Variants in RALGAPA2 observed in about 807,000 individuals in gnomAD.
RALGAPA2 encodes the protein Ral GTPase activating protein catalytic subunit alpha 2.
Under a neutral mutation model 230.4 loss-of-function variants are expected in RALGAPA2, and 139 were observed. The ratio of observed to expected loss-of-function variants is 0.60; its 90% confidence interval spans 0.53 to 0.69. The LOEUF (loss-of-function observed/expected upper bound fraction) is 0.69, where lower values mean the gene tolerates loss of function less well. Ranked by LOEUF, RALGAPA2 falls within the 30% of genes least tolerant of loss-of-function variation. The probability of loss-of-function intolerance (pLI) is 0.00; values close to 1 mark genes in which losing one functional copy is unlikely to be tolerated. For synonymous variants in RALGAPA2, 847 were observed against 837.8 expected, an observed-to-expected ratio of 1.01 and a Z score of -0.19; for missense variants, 2,163 against 2,276.0, an observed-to-expected ratio of 0.95 and a Z score of 1.01.
At chr20:20,631,694 T>C (rs2066677529) in intron 9 of RALGAPA2, among the ~76,000 whole-genome samples, 1 of 152,178 alleles carries the variant, frequency 6.6e-6, no homozygotes, top group Non-Finnish European at 1.5e-5. Flanking sequence ...GATAATAAAT[T>C]TGTACTGTTT....
chr20:20,535,647 TGTGAAAGAATAA>T, intron 26 of RALGAPA2, 86 bp downstream of exon 26: 1 of 1,450,018 alleles, frequency 6.9e-7, no homozygotes, highest in Non-Finnish European at 9.1e-7. Context: ...ATAAGAGCTA[TGTGAAAGAATAA>T]GTGTTTTCTT....
chr20:20,425,710 AAAT>A (rs1180828879), intron 37 of RALGAPA2, among the ~76,000 whole-genome samples: 2 of 152,330 alleles, frequency 1.3e-5, no homozygotes, highest in East Asian at 3.9e-4. Context: ...CCTGAGTGAT[AAAT>A]ATTACTGCTG....
At chr20:20,631,098 A>G (rs1337463427) in intron 9 of RALGAPA2, among the ~76,000 whole-genome samples, 1 of 152,166 alleles carries the variant, frequency 6.6e-6, no homozygotes, top group South Asian at 2.1e-4. Flanking sequence ...CCCGGGCCCA[A>G]GAGGCTGACA....
intron 3 of RALGAPA2, among the ~76,000 whole-genome samples, chr20:20,665,237 T>C (rs765620653): frequency 6.6e-6 from 1 of 152,224 alleles, no homozygotes; most frequent in African/African-American, 2.4e-5. Context: ...TTAGCCCTAA[T>C]GCAGTTTCTA....
At chr20:20,448,894 A>T (rs73122480) in intron 37 of RALGAPA2, among the ~76,000 whole-genome samples, 288 of 152,132 alleles carry the variant, frequency 1.9e-3, no homozygotes, top group Admixed American at 3.7e-3. Flanking sequence ...AAAAAGGTAA[A>T]TCTGCCTTCA....
intron 3 of RALGAPA2, chr20:20,659,870 C>T: frequency 1.9e-6 from 1 of 533,294 alleles, no homozygotes; most frequent in Non-Finnish European, 3.5e-6. Context: ...GCAGAGCATC[C>T]CCTACAGTAC....
At chr20:20,633,073 CTT>C (rs1603137572) in intron 9 of RALGAPA2, among the ~76,000 whole-genome samples, 1 of 147,762 alleles carries the variant, frequency 6.8e-6, no homozygotes, top group Non-Finnish European at 1.5e-5. Flanking sequence ...TTCTCTTTCT[CTT>C]TCTTTCCTCC....
intron 37 of RALGAPA2, chr20:20,471,663 T>A (rs1318900087): frequency 6.6e-6 from 1 of 152,110 alleles, no homozygotes; most frequent in African/African-American, 2.4e-5. Context: ...TCCAAAACAC[T>A]CACCACCAGC....
At chr20:20,399,061 A>G (rs963966417) in intron 38 of RALGAPA2, among the ~76,000 whole-genome samples, 2 of 152,146 alleles carry the variant, frequency 1.3e-5, no homozygotes, top group African/African-American at 4.8e-5. Context: ...AAAGGTTGTG[A>G]CAGCCGGGCA....
At chr20:20,441,669 T>C (rs141277019) in intron 37 of RALGAPA2, among the ~76,000 whole-genome samples, 2,429 of 152,278 alleles carry the variant, frequency 0.016, 30 homozygotes, top group South Asian at 0.027. Context: ...TACAGAGCTG[T>C]AGAGTTGACA....
rs1261765059 is a variant in RALGAPA2 at position 20,616,026 on chromosome 20, A to G, written c.1688+17T>C. 1 of 1,434,428 alleles carries G rather than the reference A, an allele frequency of 7.0e-7. No individual in the cohort carries two copies. The highest frequency in any genetic ancestry group is 9.3e-7 in the Non-Finnish European group (1 of 1,079,490). The allele number at this position is 1,434,428 out of a possible 1,614,324, so 88.9% of individuals were successfully genotyped here. A position where few individuals can be genotyped will look rare whatever the true frequency, so the allele number is the denominator to read the frequency against. ...AACATCTGTTTTACAATACTAATTA[A>G]TTTGATATAAACTTACCATGTCTTT... is the stretch of plus-strand genomic sequence containing the variant. On this transcript the variant is annotated intron_variant, in intron 13 of 39. Transcript: ENST00000202677.
At chr20:20,554,413 C>A (rs910228645) in intron 23 of RALGAPA2, among the ~76,000 whole-genome samples, 30 of 152,086 alleles carry the variant, frequency 2.0e-4, no homozygotes, top group African/African-American at 7.2e-4. Flanking sequence ...GTCTTTTCAT[C>A]AGTTGATGGG....
At chr20:20,498,875 C>T (rs909582960) in intron 35 of RALGAPA2, among the ~76,000 whole-genome samples, 19 of 152,266 alleles carry the variant, frequency 1.2e-4, no homozygotes, top group East Asian at 7.7e-4. Flanking sequence ...AATCCAATAG[C>T]ACAGCTCTGT....
At chr20:20,506,095 T>C (rs1261836103) in intron 33 of RALGAPA2, among the ~76,000 whole-genome samples, 1 of 152,114 alleles carries the variant, frequency 6.6e-6, no homozygotes, top group Non-Finnish European at 1.5e-5. Context: ...AGGTATTTTC[T>C]TCATGAAGGG....
In RALGAPA2 at chr20:20,610,127, C is replaced by T. The variant is rs564144542; in HGVS notation, c.1800+1188G>A. On this transcript the variant is annotated intron_variant, in intron 14 of 39. Transcript: ENST00000202677. ...TCTAGATATGCTTTTTAACATATAT[C>T]CTCCAAAACCACCTTCAGGTCAACT... 1.7e-4 allele frequency among the ~76,000 whole-genome samples: 26 copies of T among 152,198 alleles called. No homozygotes were observed. The East Asian group carries it at 4.3e-3, about 25-fold the overall frequency.
At chr20:20,513,794 G>A (rs974133056) in intron 31 of RALGAPA2, among the ~76,000 whole-genome samples, 1 of 152,208 alleles carries the variant, frequency 6.6e-6, no homozygotes, top group Non-Finnish European at 1.5e-5. Flanking sequence ...GCTCTGGAGT[G>A]GGGCAGGGAC....
Position 20,589,311 on chromosome 20 carries a change from T to C in RALGAPA2, c.2396A>G (p.Gln799Arg). The C allele has an allele frequency of 1.3e-6, 2 of 1,590,284 alleles. No individual in the cohort carries two copies. Among genetic ancestry groups the C allele is most frequent in the African/African-American group, 2.7e-5 (2 of 74,810 alleles). Residue 799 changes from glutamine to arginine, a missense_variant, in exon 18 of 40, where the codon CAA (glutamine) becomes CGA (arginine). Gln to Arg is a conservative substitution (Grantham distance 43, BLOSUM62 1). Transcript: ENST00000202677. Reference protein sequence around the residue: ...NSSSSEPQPIQENKGHVKREH... With the variant: ...NSSSSEPQPIRENKGHVKREH... The stretch of plus-strand genomic sequence containing the variant: ...TCTCTTCACATGTCCTTTATTCTCT[T>C]GAATAGGCTGAGGCTCTGAAGAACT...
At chr20:20,488,571 G>A (rs959440494) in intron 36 of RALGAPA2, among the ~76,000 whole-genome samples, 1 of 152,154 alleles carries the variant, frequency 6.6e-6, no homozygotes, top group Non-Finnish European at 1.5e-5. Context: ...TCTAAGAACT[G>A]TTTGATTATC....
At chr20:20,510,583 C>T (rs1370106187) in intron 33 of RALGAPA2, among the ~76,000 whole-genome samples, 9 of 151,426 alleles carry the variant, frequency 5.9e-5, no homozygotes, top group Admixed American at 5.9e-4. Flanking sequence ...AGCTTATTCT[C>T]TTCGAAACTT....
Sources: gnomAD v4.1 joint callset for allele counts (sites outside exome capture counted in the v4.1 genomes callset) on GRCh38, gnomAD v4.1.1 for gene constraint, MANE v1.5 for transcripts, NCBI Gene and HGNC (gene_info 2026-07-23, HGNC 2026-07-21) for gene names.